FRMPD4: variants seen among roughly 807,000 people sequenced by gnomAD.
FRMPD4 encodes FERM and PDZ domain containing 4.
Under a neutral mutation model 94.1 loss-of-function variants are expected in FRMPD4, and 22 were observed. That is an observed-to-expected ratio of 0.23 (90% CI 0.17 to 0.33). FRMPD4 has a LOEUF of 0.33. Ranked by LOEUF, FRMPD4 falls within the 10% of genes least tolerant of loss-of-function variation. The pLI is 1.00. For synonymous variants in FRMPD4, 631 were observed against 548.6 expected (o/e 1.15, Z -2.10); for missense variants, 1,111 against 1,339.9 (o/e 0.83, Z 2.67).
intron 1 of FRMPD4, among the ~76,000 whole-genome samples, chrX:12,273,545 G>A (rs1260671132): frequency 8.9e-6 from 1 of 112,440 alleles, no homozygotes; most frequent in African/African-American, 3.2e-5. Context: ...TATGAATGCA[G>A]TATATAATCA....
intron 1 of FRMPD4, among the ~76,000 whole-genome samples, chrX:12,193,770 G>GT (rs1569186392): frequency 4.7e-4 from 6 of 12,733 alleles, no homozygotes; most frequent in Admixed American, 1.4e-3. Context: ...AAGAAAGAAA[G>GT]AAAGGAAGGA....
chrX:12,599,978 C>G (rs766691408), intron 2 of FRMPD4, among the ~76,000 whole-genome samples: 3 of 111,112 alleles, frequency 2.7e-5, no homozygotes, highest in Non-Finnish European at 5.7e-5. Context: ...ATTTTGCTAT[C>G]ACTGCTGCAT....
chrX:12,258,298 AC>A (rs2054141789), intron 1 of FRMPD4, among the ~76,000 whole-genome samples: 1 of 110,397 alleles, frequency 9.1e-6, no homozygotes, highest in Admixed American at 9.7e-5. Flanking sequence ...TGCCTTCATG[AC>A]TGGATTAACG....
intron 3 of FRMPD4, among the ~76,000 whole-genome samples, chrX:11,889,250 C>T (rs1569119061): frequency 8.9e-6 from 1 of 112,171 alleles, no homozygotes. Flanking sequence ...AATAGGTGCT[C>T]CTCAACTTAG....
chrX:12,595,954 A>G (rs2059026659), intron 2 of FRMPD4, among the ~76,000 whole-genome samples: 1 of 112,499 alleles, frequency 8.9e-6, no homozygotes, highest in South Asian at 3.7e-4. Flanking sequence ...TGCCAATGTA[A>G]TGGGAAATGT....
intron 3 of FRMPD4, among the ~76,000 whole-genome samples, chrX:12,064,837 G>A (rs1435222982): frequency 5.4e-5 from 6 of 111,738 alleles, no homozygotes; most frequent in African/African-American, 1.9e-4. Flanking sequence ...TCATTTCAGT[G>A]GATTAATATA....
chrX:12,569,908 C>G (rs2058746054), intron 2 of FRMPD4, among the ~76,000 whole-genome samples: 1 of 112,071 alleles, frequency 8.9e-6, no homozygotes, highest in Non-Finnish European at 1.9e-5. Flanking sequence ...CTATGTAGTT[C>G]TGTGGTTTTG....
At chrX:12,605,891 T>G (rs2059128338) in intron 2 of FRMPD4, among the ~76,000 whole-genome samples, 1 of 112,150 alleles carries the variant, frequency 8.9e-6, no homozygotes, top group African/African-American at 3.2e-5. Context: ...TCTATTTTAC[T>G]AATGTGTTAG....
intron 1 of FRMPD4, among the ~76,000 whole-genome samples, chrX:12,489,840 A>C (rs185615145): frequency 1.8e-3 from 196 of 111,969 alleles, no homozygotes; most frequent in African/African-American, 5.9e-3. Context: ...AGAAGTTTCA[A>C]TTAAAGCTCA....
At position 12,662,051 on chromosome X, in the gene FRMPD4, T is replaced by C. The variant is rs532771035; in HGVS notation, c.423-12812T>C. On this transcript the variant is annotated intron_variant, in intron 4 of 16. Coordinates refer to ENST00000675598, the MANE Select transcript of FRMPD4 (RefSeq NM_001368397.1). ...GGCTTCATCACAAAATACCCTAGGA[T>C]TGGGGAAACGCCCTTCTGAGCAAAG... 5.4e-5 allele frequency among the ~76,000 whole-genome samples: 6 copies of C among 111,786 alleles called. No individual in the cohort carries two copies. In the South Asian group the frequency reaches 2.3e-3, roughly 42 times the overall value.
chrX:11,989,698 TC>T (rs1303460628), intron 3 of FRMPD4, among the ~76,000 whole-genome samples: 1 of 112,163 alleles, frequency 8.9e-6, no homozygotes, highest in Non-Finnish European at 1.9e-5. Context: ...TACTTCATTC[TC>T]CATGATGTGA....
At chrX:12,473,522 A>C (rs1295810729) in intron 1 of FRMPD4, among the ~76,000 whole-genome samples, 1 of 110,161 alleles carries the variant, frequency 9.1e-6, no homozygotes, top group Non-Finnish European at 1.9e-5. Context: ...AGACTGGCAA[A>C]TTGGATAAAC....
intron 1 of FRMPD4, among the ~76,000 whole-genome samples, chrX:12,188,008 T>C (rs2056445225): frequency 9.0e-6 from 1 of 111,387 alleles, no homozygotes; most frequent in Non-Finnish European, 1.9e-5. Context: ...CAATCAGTTG[T>C]GAGAAATGGC....
chrX:11,919,791 C>G (rs759120031), intron 3 of FRMPD4, among the ~76,000 whole-genome samples: 1 of 112,053 alleles, frequency 8.9e-6, no homozygotes, highest in East Asian at 2.8e-4. Flanking sequence ...TCTCCCTTCT[C>G]CTCCTTGCCC....
intron 1 of FRMPD4, among the ~76,000 whole-genome samples, chrX:12,310,327 T>G (rs974692990): frequency 9.0e-6 from 1 of 110,968 alleles, no homozygotes; most frequent in Non-Finnish European, 1.9e-5. Flanking sequence ...CCGGCCATTT[T>G]CACTTCTTTT....
intron 3 of FRMPD4, among the ~76,000 whole-genome samples, chrX:12,089,642 G>A (rs2055138098): frequency 9.0e-6 from 1 of 111,577 alleles, no homozygotes; most frequent in Admixed American, 9.5e-5. Context: ...TTAACTATGT[G>A]GTTGTTTGCT....
chrX:12,020,709 T>A (rs185654769), intron 3 of FRMPD4, among the ~76,000 whole-genome samples: 3 of 111,997 alleles, frequency 2.7e-5, no homozygotes, highest in African/African-American at 9.7e-5. Context: ...GTTGAGTGAA[T>A]GCATGCTATA....
intron 4 of FRMPD4, among the ~76,000 whole-genome samples, chrX:12,636,177 C>T (rs887320239): frequency 7.1e-5 from 8 of 112,157 alleles, no homozygotes; most frequent in African/African-American, 2.6e-4. Flanking sequence ...ATATTTGAAT[C>T]GAGGTCCAAA....
intron 1 of FRMPD4, among the ~76,000 whole-genome samples, chrX:12,355,822 A>T (rs977683818): frequency 8.9e-6 from 1 of 111,823 alleles, no homozygotes; most frequent in African/African-American, 3.3e-5. Context: ...CCCTCTGAAG[A>T]TTCACTGGAA....
Sources: gnomAD v4.1 joint callset for allele counts (sites outside exome capture counted in the v4.1 genomes callset) on GRCh38, gnomAD v4.1.1 for gene constraint, MANE v1.5 for transcripts, NCBI Gene and HGNC (gene_info 2026-07-23, HGNC 2026-07-21) for gene names.